DDX60: variants seen among roughly 807,000 people sequenced by gnomAD.
DDX60 encodes probable ATP-dependent RNA helicase DDX60.
A neutral mutation model predicts 212.8 loss-of-function variants in DDX60; 165 were observed. That is an observed-to-expected ratio of 0.78 (90% confidence interval 0.68 to 0.88). The LOEUF (loss-of-function observed/expected upper bound fraction) is 0.88, where lower values mean the gene tolerates loss of function less well. Among genes scored for constraint, DDX60 ranks in the 40% least tolerant of loss-of-function variants. The pLI is 0.00. For missense variants in DDX60, 1,905 were observed against 2,003.9 expected, an observed-to-expected ratio of 0.95 and a Z score of 0.94; for synonymous variants, 703 against 685.3, an observed-to-expected ratio of 1.03 and a Z score of -0.40.
chr4:168,300,323 C>T (rs1197933485), intron 6 of DDX60, among the ~76,000 whole-genome samples: 1 of 151,990 alleles, frequency 6.6e-6, no homozygotes, highest in Non-Finnish European at 1.5e-5. Flanking sequence ...GGGCAGATCA[C>T]GAGTTCAGTA....
chr4:168,244,333 G>T (rs945559854), intron 30 of DDX60, among the ~76,000 whole-genome samples: 4 of 144,020 alleles, frequency 2.8e-5, no homozygotes, highest in Non-Finnish European at 5.9e-5. Flanking sequence ...ACTTCTTTGA[G>T]ACAAGGCACT....
In DDX60 at chr4:168,310,844, A is replaced by G. The variant is rs111883133; in HGVS notation, c.74+154T>C. Among the ~76,000 whole-genome samples the G allele has an allele frequency of 6.4e-3, 977 of 152,294 alleles. 12 individuals are homozygous for G. Among genetic ancestry groups the G allele is most frequent in the South Asian group, 0.022 (105 of 4,832 alleles). The stretch of plus-strand genomic sequence containing the variant: ...AATTAATTAACAATAATTTTTAAAA[A>G]GTTAAACATGGATTCTCAACTGCAT... On this transcript the variant is annotated intron_variant, in intron 3 of 37. Transcript: ENST00000393743.
At chr4:168,285,608 T>G (rs1735791649) in intron 10 of DDX60, 110 bp from the exon 11 acceptor site, 1 of 669,474 alleles carries the variant, frequency 1.5e-6, no homozygotes, top group African/African-American at 1.8e-5. Flanking sequence ...TATATTAATC[T>G]TATTTACATA....
chr4:168,291,832 T>C lies in DDX60; in HGVS notation c.957A>G (p.Leu319=), dbSNP rs771609137. Residue 319 remains leucine, a synonymous_variant, in exon 8 of 38, where the codon CTA becomes CTG. Transcript: ENST00000393743. The stretch of plus-strand genomic sequence containing the variant: ...CTCTTTGAGAAAGAGGCAGATGGAG[T>C]AGAAAAACCACAGTGAGACAATGCA... ...CKLHCLTVVF[L]LHLPLSQRAC... is the part of the protein sequence containing the mutation. 2 of 1,613,498 alleles carry C rather than the reference T, an allele frequency of 1.2e-6. No homozygotes were observed.
intron 5 of DDX60, among the ~76,000 whole-genome samples, chr4:168,304,640 G>T (rs1426541095): frequency 6.6e-6 from 1 of 152,112 alleles, no homozygotes; most frequent in Non-Finnish European, 1.5e-5. Flanking sequence ...CGTGGAAGCT[G>T]CAGTGAGCTG....
chr4:168,296,156 TA>T (rs1736330749), intron 6 of DDX60, among the ~76,000 whole-genome samples: 1 of 152,108 alleles, frequency 6.6e-6, no homozygotes, highest in Non-Finnish European at 1.5e-5. Flanking sequence ...TGTCTCACAA[TA>T]AAAAATGATA....
chr4:168,291,693 T>A (rs945948528), intron 8 of DDX60, 55 bp downstream of exon 8: 3 of 1,451,552 alleles, frequency 2.1e-6, no homozygotes, highest in Non-Finnish European at 2.7e-6. Context: ...GTTATTGTAG[T>A]TTCTATCAAA....
Position 168,250,985 on chromosome 4 carries a change from A to T in DDX60, c.3827T>A (p.Val1276Asp). Residue 1276 changes from valine (V) to aspartate (D), a missense_variant, in exon 28 of 38, where the codon GTT (valine) becomes GAT (aspartate). Physicochemically the swap from Val to Asp is radical, Grantham distance 152. Transcript: ENST00000393743. ...SAMSFKEKQL[V>D]EILFRKGYLR... is the part of the protein sequence containing the mutation. ...ATATCCTTTTCTAAAGAGGATTTCA[A>T]CTAATTGTTTTTCTTTGAAACTCAT... is the stretch of plus-strand genomic sequence containing the variant. 6.2e-7 allele frequency: 1 copy of T among 1,605,860 alleles called. No individual in the cohort carries two copies. The highest frequency in any genetic ancestry group is 8.5e-7 in the Non-Finnish European group (1 of 1,176,454).
At chr4:168,267,206 C>T (rs913525586) in intron 22 of DDX60, among the ~76,000 whole-genome samples, 2 of 152,022 alleles carry the variant, frequency 1.3e-5, no homozygotes, top group African/African-American at 4.8e-5. Flanking sequence ...TTTCTATGTA[C>T]TAGGGATTGT....
At chr4:168,325,448 T>C in the DDX60 span, among the ~76,000 whole-genome samples, 3 of 152,364 alleles carry the variant, frequency 2.0e-5, no homozygotes, top group East Asian at 5.8e-4. Flanking sequence ...CAGTATTAAA[T>C]TTATAAATCA....
At chr4:168,232,568 C>T (rs907407067) in intron 33 of DDX60, among the ~76,000 whole-genome samples, 1 of 151,928 alleles carries the variant, frequency 6.6e-6, no homozygotes, top group Non-Finnish European at 1.5e-5. Flanking sequence ...TATTTACAGC[C>T]AACTGATCTT....
At position 168,283,566 on chromosome 4, in the gene DDX60, C is replaced by G. The variant is rs778201015; in HGVS notation, c.1602G>C (p.Lys534Asn). The change falls in exon 13 of 38, where the codon AAG becomes AAC. Residue 534 changes from lysine to asparagine, a missense_variant. Coordinates refer to ENST00000393743, the MANE Select transcript of DDX60 (RefSeq NM_017631.6). ...CATAAAACCGTTGGAAAACATGATA[C>G]TTTTGCACAGATCTAAGAACACGAG... ...RDPRVLRSVQKYHVFQRFYGN... is the reference protein window; with the variant it reads ...RDPRVLRSVQNYHVFQRFYGN... 2 of 1,613,286 alleles carry G rather than the reference C, an allele frequency of 1.2e-6. No individual in the cohort carries two copies. The highest frequency in any genetic ancestry group is 1.7e-6 in the Non-Finnish European group (2 of 1,179,584).
intron 33 of DDX60, among the ~76,000 whole-genome samples, chr4:168,233,982 T>C (rs1183379776): frequency 6.6e-6 from 1 of 152,146 alleles, no homozygotes; most frequent in African/African-American, 2.4e-5. Flanking sequence ...TTTATATATG[T>C]ATATATCAAT....
intron 25 of DDX60, among the ~76,000 whole-genome samples, chr4:168,258,979 AG>A (rs1734521063): frequency 1.3e-5 from 2 of 152,128 alleles, no homozygotes; most frequent in African/African-American, 4.8e-5. Context: ...TCTTCACCCA[AG>A]TTACCCTAGC....
intron 1 of DDX60, among the ~76,000 whole-genome samples, chr4:168,314,339 A>ACG (rs1560886050): frequency 6.6e-6 from 1 of 152,008 alleles, no homozygotes; most frequent in African/African-American, 2.4e-5. Flanking sequence ...ACACACACAC[A>ACG]CACAAATTAG....
chr4:168,236,915 T>C (rs6819822), intron 32 of DDX60, among the ~76,000 whole-genome samples: 4,132 of 151,520 alleles, frequency 0.027, 190 homozygotes, highest in African/African-American at 0.094. Context: ...TAATTATGAG[T>C]AATTTTTTAT....
intron 6 of DDX60, among the ~76,000 whole-genome samples, chr4:168,300,299 T>G (rs1312689000): frequency 6.6e-6 from 1 of 152,098 alleles, no homozygotes; most frequent in Non-Finnish European, 1.5e-5. Flanking sequence ...CCCAACACTT[T>G]GGGAGGTCGA....
chr4:168,261,910 T>TA (rs1308624697), intron 24 of DDX60, 90 bp downstream of exon 24: 57 of 1,397,270 alleles, frequency 4.1e-5, no homozygotes, highest in Middle Eastern at 1.9e-4. Flanking sequence ...AATTGAGGAT[T>TA]AAAAAAAATC....
chr4:168,319,771 C>G (rs903768560), upstream of DDX60, among the ~76,000 whole-genome samples: 2 of 152,100 alleles, frequency 1.3e-5, no homozygotes, highest in African/African-American at 4.8e-5. Flanking sequence ...TTTGGGTAAT[C>G]AGCATGATAA....
Sources: gnomAD v4.1 joint callset for allele counts (sites outside exome capture counted in the v4.1 genomes callset) on GRCh38, gnomAD v4.1.1 for gene constraint, MANE v1.5 for transcripts, NCBI Gene and HGNC (gene_info 2026-07-23, HGNC 2026-07-21) for gene names.